The following FBXL13 variants were observed in gnomAD, a reference collection of about 807,000 sequenced individuals.
The protein encoded by FBXL13 is F-box and leucine rich repeat protein 13, also known as F-box and leucine-rich repeat protein 13.
In FBXL13, 67 loss-of-function variants were observed where a neutral mutation model predicts 83.6. The ratio of observed to expected loss-of-function variants is 0.80; its 90% CI spans 0.66 to 0.98. FBXL13 has a LOEUF of 0.98. Ranked by LOEUF, FBXL13 falls within the 50% of genes least tolerant of loss-of-function variation. The probability of loss-of-function intolerance (pLI) is 0.00; values close to 1 mark genes in which losing one functional copy is unlikely to be tolerated. For synonymous variants in FBXL13, 272 were observed against 299.5 expected, an observed-to-expected ratio of 0.91 and a Z score of 0.95; for missense variants, 822 against 866.5, an observed-to-expected ratio of 0.95 and a Z score of 0.64.
intron 11 of FBXL13, among the ~76,000 whole-genome samples, chr7:102,903,939 C>CTTTTTTTTTTTTT (rs1166655004): frequency 3.9e-4 from 17 of 43,464 alleles, no homozygotes; most frequent in East Asian, 1.3e-3. Context: ...CTTTTCTTTT[C>CTTTTTTTTTTTTT]TTTTTTTTTT....
rs1794175591 is a variant in FBXL13, at chr7:103,028,527, T to G, written c.217+73A>C. On this transcript the variant is annotated intron_variant, in intron 4 of 19. Coordinates refer to ENST00000313221, the Ensembl canonical transcript of FBXL13. ...ATAGGTTCTCTAAGTACCCAAAGTATGCTTAACTGTTAGTTTTTTTATTAT... is the reference window on the plus strand; with the variant it reads ...ATAGGTTCTCTAAGTACCCAAAGTAGGCTTAACTGTTAGTTTTTTTATTAT... 8 of 1,092,762 alleles carry G rather than the reference T, an allele frequency of 7.3e-6. No individual in the cohort carries two copies. The East Asian group carries it at 1.2e-4, about 16-fold the overall frequency. 67.7% of individuals were successfully genotyped at this position (1,092,762 alleles called of 1,614,324 possible). A position where few individuals can be genotyped will look rare whatever the true frequency, so the allele number is the denominator to read the frequency against.
Position 102,951,120 on chromosome 7 carries a change from G to A in FBXL13, c.724+12413C>T, listed in dbSNP as rs80299508. Among the ~76,000 whole-genome samples, 979 of 152,128 alleles carry A rather than the reference G, an allele frequency of 6.4e-3. 5 individuals are homozygous for A. The highest frequency in any genetic ancestry group is 8.5e-3 in the Non-Finnish European group (581 of 68,012). On this transcript the variant is annotated intron_variant, in intron 8 of 19. Coordinates refer to ENST00000313221, the Ensembl canonical transcript of FBXL13. ...ATGTGTGGGGGAAGGAGGTATATAG[G>A]AAATCTCTATACCTTCTGCTCAATT... is the stretch of plus-strand genomic sequence containing the variant.
At chr7:102,995,263 C>T (rs1163102813) in intron 6 of FBXL13, among the ~76,000 whole-genome samples, 10 of 151,682 alleles carry the variant, frequency 6.6e-5, no homozygotes, top group Admixed American at 2.0e-4. Context: ...GGGCAGATCA[C>T]GAGGTCAGGA....
chr7:103,032,501 G>A (rs1356997242), intron 2 of FBXL13, among the ~76,000 whole-genome samples: 2 of 152,092 alleles, frequency 1.3e-5, no homozygotes, highest in African/African-American at 4.8e-5. Flanking sequence ...CCAACTCTCT[G>A]GAATTGGCCT....
intron 16 of FBXL13, among the ~76,000 whole-genome samples, chr7:102,875,431 T>G (rs1809091300): frequency 6.6e-6 from 1 of 152,004 alleles, no homozygotes; most frequent in Non-Finnish European, 1.5e-5. Context: ...AAGCAAATGC[T>G]GAGAAATTCA....
intron 11 of FBXL13, among the ~76,000 whole-genome samples, chr7:102,891,973 G>C (rs537548141): frequency 1.3e-5 from 2 of 152,156 alleles, no homozygotes; most frequent in Non-Finnish European, 2.9e-5. Flanking sequence ...GGTTTGTCTA[G>C]ATTTATTGAA....
intron 11 of FBXL13, among the ~76,000 whole-genome samples, chr7:102,887,662 T>C (rs1316535718): frequency 6.6e-6 from 1 of 152,206 alleles, no homozygotes; most frequent in East Asian, 1.9e-4. Flanking sequence ...ATTCTTAACA[T>C]CTTCAACTGA....
At chr7:102,860,760 A>C (rs1193544429) in intron 16 of FBXL13, among the ~76,000 whole-genome samples, 1 of 152,192 alleles carries the variant, frequency 6.6e-6, no homozygotes, top group Non-Finnish European at 1.5e-5. Flanking sequence ...CAACATAAAC[A>C]GAAAACATGC....
At chr7:102,996,526 A>T (rs1789807842) in intron 6 of FBXL13, among the ~76,000 whole-genome samples, 1 of 152,212 alleles carries the variant, frequency 6.6e-6, no homozygotes, top group African/African-American at 2.4e-5. Flanking sequence ...TGGTAGTTCA[A>T]ATCCACATTC....
intron 11 of FBXL13, among the ~76,000 whole-genome samples, chr7:102,906,108 A>G (rs868344832): frequency 6.6e-5 from 10 of 152,286 alleles, no homozygotes; most frequent in Admixed American, 1.3e-4. Flanking sequence ...TGATAAAACC[A>G]TCAGATCTTG....
intron 6 of FBXL13, among the ~76,000 whole-genome samples, chr7:102,979,003 T>G (rs1444476817): frequency 6.6e-6 from 1 of 152,224 alleles, no homozygotes; most frequent in Non-Finnish European, 1.5e-5. Context: ...TCCAGAGGCA[T>G]GGAAATCTAC....
chr7:102,918,219 A>C (rs1816295341), intron 10 of FBXL13, among the ~76,000 whole-genome samples: 1 of 152,246 alleles, frequency 6.6e-6, no homozygotes, highest in South Asian at 2.1e-4. Context: ...ATGTATTTTT[A>C]TCATAGATAA....
At chr7:103,030,473 G>A (rs1034032632) in intron 2 of FBXL13, among the ~76,000 whole-genome samples, 5 of 152,098 alleles carry the variant, frequency 3.3e-5, no homozygotes, top group Non-Finnish European at 7.4e-5. Flanking sequence ...ATTACAGCAG[G>A]CAGAATAAAA....
At chr7:102,964,618 G>A (rs1825787307) in intron 7 of FBXL13, among the ~76,000 whole-genome samples, 1 of 151,752 alleles carries the variant, frequency 6.6e-6, no homozygotes, top group African/African-American at 2.4e-5. Context: ...GGCCAGGCTG[G>A]TCTCAAACTC....
intron 8 of FBXL13, among the ~76,000 whole-genome samples, chr7:102,946,659 T>A (rs1822559908): frequency 7.5e-6 from 1 of 132,890 alleles, no homozygotes; most frequent in South Asian, 2.2e-4. Context: ...ATTTTATTTA[T>A]TTATTTATTT....
chr7:102,986,005 A>C (rs1273798839), intron 6 of FBXL13, among the ~76,000 whole-genome samples: 3 of 146,630 alleles, frequency 2.0e-5, no homozygotes, highest in Non-Finnish European at 3.0e-5. Flanking sequence ...CATCCCTGGA[A>C]CCTGGCACGA....
intron 11 of FBXL13, among the ~76,000 whole-genome samples, chr7:102,887,513 G>C (rs967622059): frequency 3.9e-5 from 6 of 152,086 alleles, no homozygotes; most frequent in Non-Finnish European, 5.9e-5. Flanking sequence ...TAAGGAATTG[G>C]TCATGTGATT....
chr7:102,956,737 T>A (rs970470950), intron 8 of FBXL13, among the ~76,000 whole-genome samples: 1 of 151,844 alleles, frequency 6.6e-6, no homozygotes, highest in African/African-American at 2.4e-5. Flanking sequence ...CTATACACCA[T>A]TAACAGACAA....
At chr7:102,813,569 G>A (rs533475642) in intron 19 of FBXL13, 38 bp from the exon 21 acceptor site, 9 of 1,587,754 alleles carry the variant, frequency 5.7e-6, no homozygotes, top group Admixed American at 5.4e-5. Context: ...AGTTGCAGAA[G>A]TAACCCCTAG....
Sources: allele counts gnomAD v4.1 joint callset (sites outside exome capture counted in the v4.1 genomes callset), GRCh38; gene constraint gnomAD v4.1.1; transcripts MANE v1.5; gene names NCBI Gene and HGNC (gene_info 2026-07-23, HGNC 2026-07-21).